The following MX1 variants were observed in gnomAD, a reference collection of about 807,000 sequenced individuals.
The protein encoded by MX1 is MX dynamin like GTPase 1, also known as interferon-induced GTP-binding protein Mx1.
In MX1, 66 loss-of-function variants were observed where a neutral mutation model predicts 66.4. That is an observed-to-expected ratio of 0.99 (90% confidence interval 0.82 to 1.22). The LOEUF is 1.22. MX1 is among the 50% of genes most tolerant of loss of function. The pLI, the probability that MX1 is intolerant of heterozygous loss-of-function variation, is 0.00. For synonymous variants in MX1, 311 were observed against 318.1 expected (o/e 0.98, Z 0.24); for missense variants, 787 against 834.3 (o/e 0.94, Z 0.70).
chr21:41,456,366 GCAGGC>G (rs2090959078), intron 16 of MX1, among the ~76,000 whole-genome samples: 1 of 152,228 alleles, frequency 6.6e-6, no homozygotes, highest in Non-Finnish European at 1.5e-5. Flanking sequence ...AAATCCCAGG[GCAGGC>G]CAGCAGGAAG....
chr21:41,433,459 G>A (rs982383844), intron 5 of MX1, among the ~76,000 whole-genome samples: 3 of 152,214 alleles, frequency 2.0e-5, no homozygotes, highest in Non-Finnish European at 4.4e-5. Context: ...TCATGTAGCA[G>A]AATTCTATAC....
At position 41,445,600 on chromosome 21, in the gene MX1, G is replaced by A. The variant is rs2090638131; in HGVS notation, c.1131+30G>A. ...GTGTTGCCAGCTGCATGGAGCTGGA[G>A]AAGCACATGTCATGGTCAAAAAAGG... On this transcript the variant is annotated intron_variant, in intron 12 of 16. Coordinates refer to ENST00000398598, the MANE Select transcript of MX1 (RefSeq NM_002462.5). 7.4e-6 allele frequency: 12 copies of A among 1,613,654 alleles called. No individual in the cohort carries two copies. The East Asian group carries it at 8.9e-5, about 12-fold the overall frequency.
intron 13 of MX1, 109 bp downstream of exon 13, chr21:41,446,250 A>T (rs1281110915): frequency 9.5e-7 from 1 of 1,053,000 alleles, no homozygotes; most frequent in Non-Finnish European, 1.4e-6. Flanking sequence ...TGAGAAATCT[A>T]TTCTTAAGGA....
At chr21:41,445,146 C>T (rs1601515728) in intron 11 of MX1, among the ~76,000 whole-genome samples, 1 of 152,160 alleles carries the variant, frequency 6.6e-6, no homozygotes, top group East Asian at 1.9e-4. Context: ...CCTAATATGA[C>T]CACAGAGGAA....
intron 7 of MX1, among the ~76,000 whole-genome samples, chr21:41,438,166 T>G (rs1391906678): frequency 1.3e-5 from 2 of 152,234 alleles, no homozygotes; most frequent in Admixed American, 6.5e-5. Flanking sequence ...GGGTTTAGCA[T>G]TTGTAAAGAT....
Position 41,453,007 on chromosome 21 carries a change from G to T in MX1, c.1758+138G>T, listed in dbSNP as rs2090873998. 15 of 1,003,188 alleles carry T rather than the reference G, an allele frequency of 1.5e-5. No homozygotes were observed. In the South Asian group the frequency reaches 2.4e-4, roughly 16 times the overall value. The allele number at this position is 1,003,188 out of a possible 1,614,324, so 62.1% of individuals were successfully genotyped here. A position where few individuals can be genotyped will look rare whatever the true frequency, so the allele number is the denominator to read the frequency against. On this transcript the variant is annotated intron_variant, in intron 16 of 16. Transcript: ENST00000398598. ...ACCTCCTTGTTAGCCTCCTGTATTA[G>T]TCCATTTTCATGCTGCTGATAAAGA... is the stretch of plus-strand genomic sequence containing the variant.
chr21:41,422,106 C>A (rs1429447735), upstream of MX1: 1 of 152,194 alleles, frequency 6.6e-6, no homozygotes, highest in Non-Finnish European at 1.5e-5. Flanking sequence ...GTAAGGCATT[C>A]TAAGTCACAG....
Position 41,459,124 on chromosome 21 carries a change from A to G in MX1, c.*366A>G. ...TCATTTTTATAATGTCCCTTCACAA[A>G]CCCAGTGTTTTAGGAGCATGAGTGC... On this transcript the variant is annotated 3_prime_UTR_variant, in exon 17 of 17. Coordinates refer to ENST00000398598, the MANE Select transcript of MX1 (RefSeq NM_002462.5). 3.4e-6 allele frequency: 1 copy of G among 294,594 alleles called. No individual in the cohort carries two copies. The highest frequency in any genetic ancestry group is 2.2e-5 in the African/African-American group (1 of 46,464). 18.2% of individuals were successfully genotyped at this position (294,594 alleles called of 1,614,324 possible).
chr21:41,438,279 G>GCC (rs1263252959), intron 7 of MX1, among the ~76,000 whole-genome samples: 1 of 152,262 alleles, frequency 6.6e-6, no homozygotes, highest in Non-Finnish European at 1.5e-5. Flanking sequence ...GCTTGCAGCA[G>GCC]AAAACTCAAA....
Position 41,441,747 on chromosome 21 carries a change from AG to A in MX1, c.764del (p.Gly255GlufsTer17). On this transcript the variant is annotated frameshift_variant, in exon 10 of 17. Coordinates refer to ENST00000398598, the MANE Select transcript of MX1 (RefSeq NM_002462.5). LOFTEE classifies it high-confidence loss of function. The surrounding 1 kb of genome is among the most constrained non-coding windows in gnomAD (Gnocchi z 4.0). ...TGACGAAGCCTGATCTGGTGGACAA[AG>A]GAACTGAAGACAAGGTTGTGGACGT... ...ILTKPDLVDK[G>X]TEDKVVDVVR... 1 of 1,614,178 alleles carries A rather than the reference AG, an allele frequency of 6.2e-7. No homozygotes were observed. Among genetic ancestry groups the A allele is most frequent in the Non-Finnish European group, 8.5e-7 (1 of 1,180,024 alleles).
Position 41,439,841 on chromosome 21 carries a change from G to T in MX1, c.584G>T (p.Gly195Val). ...GTGGGCAATCAGCCTGCTGACATTG[G>T]GTATAAGGTCAGACTTCAGACCCAT... Reference protein sequence around the residue: ...VAVGNQPADIGYKIKTLIKKY... With the variant: ...VAVGNQPADIVYKIKTLIKKY... Residue 195 changes from glycine (G) to valine (V), a missense_variant, in exon 8 of 17, where the codon GGG becomes GTG. Coordinates refer to ENST00000398598, the MANE Select transcript of MX1 (RefSeq NM_002462.5). The T allele has an allele frequency of 1.2e-6, 2 of 1,613,254 alleles. No individual in the cohort carries two copies. The highest frequency in any genetic ancestry group is 1.1e-5 in the South Asian group (1 of 91,038).
intron 16 of MX1, among the ~76,000 whole-genome samples, chr21:41,455,822 CAGGT>C (rs769010124): frequency 8.5e-5 from 13 of 152,356 alleles, no homozygotes; most frequent in Non-Finnish European, 1.3e-4. Flanking sequence ...TTTGCTAATG[CAGGT>C]GTGTTGCTGT....
chr21:41,433,717 T>A (rs1237948609), intron 5 of MX1, among the ~76,000 whole-genome samples: 1 of 152,070 alleles, frequency 6.6e-6, no homozygotes, highest in African/African-American at 2.4e-5. Context: ...GGTGAAGGAG[T>A]TGACCCAGGG....
In MX1 at chr21:41,456,726, G is replaced by A. The variant is rs377590574; in HGVS notation, c.1759-1802G>A. Among the ~76,000 whole-genome samples, 15 of 151,832 alleles carry A rather than the reference G, an allele frequency of 9.9e-5. 1 individual carries two copies. In the East Asian group the frequency reaches 1.8e-3, roughly 18 times the overall value. On this transcript the variant is annotated intron_variant, in intron 16 of 16. Coordinates refer to ENST00000398598, the MANE Select transcript of MX1 (RefSeq NM_002462.5). ...AAGGCCTGCTCCATCCACACTGGCC[G>A]CTTTAGTCTGCACTAAAGTTGTTGG...
chr21:41,421,099 A>T (rs1366219622), intron 1 of MX1, among the ~76,000 whole-genome samples: 2 of 152,188 alleles, frequency 1.3e-5, no homozygotes, highest in East Asian at 1.9e-4. Flanking sequence ...ACAAGACAAT[A>T]GTGGGGAGAG....
intron 16 of MX1, among the ~76,000 whole-genome samples, chr21:41,455,936 T>C (rs1171155654): frequency 2.0e-5 from 3 of 152,146 alleles, no homozygotes; most frequent in Non-Finnish European, 4.4e-5. Context: ...ACCACAGATA[T>C]ATGTATGTAA....
At chr21:41,439,127 C>A (rs2090439300) in intron 7 of MX1, among the ~76,000 whole-genome samples, 1 of 149,440 alleles carries the variant, frequency 6.7e-6, no homozygotes, top group Non-Finnish European at 1.5e-5. Context: ...TCAAACATCC[C>A]AAAAAGGCAT....
Position 41,443,851 on chromosome 21 carries a change from C to G in MX1, c.993C>G (p.Leu331=), listed in dbSNP as rs369163752. Residue 331 remains leucine, a synonymous_variant, in exon 11 of 17, where the codon CTC becomes CTG. Transcript: ENST00000398598. The part of the protein sequence containing the change: ...PCLAEKLTSE[L]ITHICKSLPL... ...TGGCAGAAAAACTTACCAGCGAGCTCATCACACATATCTGTGTAAGCACGG... is the reference window on the plus strand; with the variant it reads ...TGGCAGAAAAACTTACCAGCGAGCTGATCACACATATCTGTGTAAGCACGG... 2 of 1,614,134 alleles carry G rather than the reference C, an allele frequency of 1.2e-6. No homozygotes were observed. Among genetic ancestry groups the G allele is most frequent in the South Asian group, 2.2e-5 (2 of 91,092 alleles).
At chr21:41,430,930 A>G (rs1014037421) in intron 4 of MX1, among the ~76,000 whole-genome samples, 4 of 152,238 alleles carry the variant, frequency 2.6e-5, no homozygotes, top group Non-Finnish European at 5.9e-5. Context: ...TTTTTAAACT[A>G]AAGGTTTGGG....
Sources: gnomAD v4.1 joint callset for allele counts (sites outside exome capture counted in the v4.1 genomes callset) on GRCh38, gnomAD v4.1.1 for gene constraint, Gnocchi (gnomAD v3.1) non-coding constraint, MANE v1.5 for transcripts, NCBI Gene and HGNC (gene_info 2026-07-23, HGNC 2026-07-21) for gene names.